Variants in PRSS36 observed in about 807,000 individuals in gnomAD.
PRSS36 encodes polyserase-2.
Under a neutral mutation model 94.3 loss-of-function variants are expected in PRSS36, and 90 were observed. The ratio of observed to expected loss-of-function variants is 0.95; its 90% CI spans 0.80 to 1.14. The LOEUF is 1.14. PRSS36 is among the 50% of genes most tolerant of loss of function. The probability of loss-of-function intolerance (pLI) is 0.00; values close to 1 mark genes in which losing one functional copy is unlikely to be tolerated. For missense variants in PRSS36, 1,158 were observed against 1,135.0 expected, an observed-to-expected ratio of 1.02 and a Z score of -0.29; for synonymous variants, 500 against 489.6, an observed-to-expected ratio of 1.02 and a Z score of -0.28.
At chr16:31,143,145 C>G in intron 8 of PRSS36, 152 bp from the exon 9 acceptor site, 1 of 1,320,864 alleles carries the variant, frequency 7.6e-7, no homozygotes, top group Non-Finnish European at 1.0e-6. Flanking sequence ...ACCCCCGCCT[C>G]CGGGATCGAA....
At position 31,142,629 on chromosome 16, in the gene PRSS36, G is replaced by A; in HGVS notation, c.1373C>T (p.Pro458Leu). Reference protein sequence around the residue: ...RWGRGEPALGPGALLEAELLG... With the variant: ...RWGRGEPALGLGALLEAELLG... ...CAGCTCCGCCTCCAGCAGCGCGCCTGGGCCAAGCGCGGGTTCTGGAAGGGA... is the reference window on the plus strand; with the variant it reads ...CAGCTCCGCCTCCAGCAGCGCGCCTAGGCCAAGCGCGGGTTCTGGAAGGGA... Residue 458 changes from proline to leucine, a missense_variant, in exon 10 of 15, where the codon CCA (proline) becomes CTA (leucine). Physicochemically the swap from Pro to Leu is moderately conservative, Grantham distance 98. Coordinates refer to ENST00000268281, the MANE Select transcript of PRSS36 (RefSeq NM_173502.5). 1 of 1,487,820 alleles carries A rather than the reference G, an allele frequency of 6.7e-7. No homozygotes were observed. 92.2% of individuals were successfully genotyped at this position (1,487,820 alleles called of 1,614,324 possible).
intron 4 of PRSS36, 128 bp downstream of exon 4, chr16:31,148,945 C>A: frequency 8.6e-7 from 1 of 1,163,846 alleles, no homozygotes; most frequent in Non-Finnish European, 1.2e-6. Flanking sequence ...CGAATAGCAC[C>A]TCGCTTTGGG....
rs1439578918 is a variant in PRSS36 at position 31,141,737 on chromosome 16, T to C, written c.1745A>G (p.His582Arg). 6.2e-7 allele frequency: 1 copy of C among 1,613,414 alleles called. No individual in the cohort carries two copies. The highest frequency in any genetic ancestry group is 8.5e-7 in the Non-Finnish European group (1 of 1,179,506). The change falls in exon 11 of 15, where the codon CAC becomes CGC. Residue 582 changes from histidine (H) to arginine (R), a missense_variant. Transcript: ENST00000268281. The stretch of plus-strand genomic sequence containing the variant: ...GTCCTGCTCACCACCATGCTCTGTG[T>C]GTGGGGGACAAGTCTGTGTCTCAGT... Reference protein sequence around the residue: ...EETETQTCPPHTEHGACGLRL... With the variant: ...EETETQTCPPRTEHGACGLRL...
chr16:31,140,818 A>G, intron 12 of PRSS36, 61 bp from the exon 13 acceptor site: 5 of 1,572,014 alleles, frequency 3.2e-6, no homozygotes, highest in Non-Finnish European at 4.3e-6. Flanking sequence ...AGTCCTTCCC[A>G]GCCCAGGGGA....
At chr16:31,142,711 C>T (rs1362741375) in intron 9 of PRSS36, 26 bp downstream of exon 9, 1 of 1,341,624 alleles carries the variant, frequency 7.5e-7, no homozygotes, top group African/African-American at 1.5e-5. Context: ...CGGTGCCGCC[C>T]GGCCCAGCGC....
intron 14 of PRSS36, 96 bp downstream of exon 14, chr16:31,140,198 A>AAG: frequency 5.7e-6 from 8 of 1,403,888 alleles, no homozygotes; most frequent in Admixed American, 2.4e-5. Flanking sequence ...TCAAAAAAAA[A>AAG]AAAAAAAAAA....
intron 12 of PRSS36, 81 bp downstream of exon 12, chr16:31,141,388 C>T: frequency 1.4e-6 from 2 of 1,478,596 alleles, no homozygotes; most frequent in South Asian, 2.7e-5. Context: ...AACAAACAAA[C>T]AAACAAATAA....
intron 8 of PRSS36, 63 bp downstream of exon 8, chr16:31,143,279 T>G: frequency 6.5e-7 from 1 of 1,528,434 alleles, no homozygotes; most frequent in Non-Finnish European, 8.8e-7. Context: ...TGGGGCCGAA[T>G]GGATGGTATC....
intron 6 of PRSS36, 137 bp downstream of exon 6, chr16:31,145,651 CA>C (rs2057788401): frequency 1.1e-6 from 1 of 869,776 alleles, no homozygotes; most frequent in Non-Finnish European, 1.7e-6. Flanking sequence ...AATACACAAA[CA>C]AAAAACTTCA....
Position 31,149,776 on chromosome 16 carries a change from C to T in PRSS36, c.38-45G>A, listed in dbSNP as rs186429443. 26 of 1,613,502 alleles carry T rather than the reference C, an allele frequency of 1.6e-5. No individual in the cohort carries two copies. In the Admixed American group the frequency reaches 4.3e-4, roughly 27 times the overall value. On this transcript the variant is annotated intron_variant, in intron 1 of 14. Coordinates refer to ENST00000268281, the MANE Select transcript of PRSS36 (RefSeq NM_173502.5). The stretch of plus-strand genomic sequence containing the variant: ...CAGGAAGAGGCTGGCGACTCGCACT[C>T]AGTATGTGCCCTCCCTGACTCCCTC...
rs76956428 is a variant in PRSS36, at chr16:31,149,342, T to A, written c.110-107A>T. ...TCCTCCACCCACTTCAGTTTGCCCCTCTGAACAAAGAACATAGAGGACCCA... is the reference window on the plus strand; with the variant it reads ...TCCTCCACCCACTTCAGTTTGCCCCACTGAACAAAGAACATAGAGGACCCA... On this transcript the variant is annotated intron_variant, in intron 3 of 14. Coordinates refer to ENST00000268281, the MANE Select transcript of PRSS36 (RefSeq NM_173502.5). The A allele has an allele frequency of 1.2e-4, 179 of 1,530,630 alleles. No individual in the cohort carries two copies. In the African/African-American group the frequency reaches 2.3e-3, roughly 20 times the overall value. 94.8% of individuals were successfully genotyped at this position (1,530,630 alleles called of 1,614,324 possible). A position where few individuals can be genotyped will look rare whatever the true frequency, so the allele number is the denominator to read the frequency against.
At position 31,140,582 on chromosome 16, in the gene PRSS36, G is replaced by A; in HGVS notation, c.2077C>T (p.Pro693Ser). The A allele has an allele frequency of 2.5e-6, 4 of 1,604,226 alleles. No homozygotes were observed. Among genetic ancestry groups the A allele is most frequent in the Non-Finnish European group, 3.4e-6 (4 of 1,175,086 alleles). Residue 693 changes from proline (P) to serine (S), a missense_variant, in exon 13 of 15, where the codon CCA becomes TCA. Transcript: ENST00000268281. ...LELSSRVEPS[P>S]SALPICLHPA... ...TGGAGACAGATGGGCAGGGCTGATGGGGAGGGCTCCACCCGGGAGCTCAGC... is the reference window on the plus strand; with the variant it reads ...TGGAGACAGATGGGCAGGGCTGATGAGGAGGGCTCCACCCGGGAGCTCAGC...
rs771712006 is a variant in PRSS36 at position 31,150,051 on chromosome 16, G to A, written c.-16C>T. On this transcript the variant is annotated 5_prime_UTR_variant, in exon 1 of 15. Coordinates refer to ENST00000268281, the MANE Select transcript of PRSS36 (RefSeq NM_173502.5). Reference sequence around the variant, plus strand: ...GCCGGGCCATGGCGCTAGAGTCAGCGGAGGCAGAGCCAAGTGAAGGTCTGC... The same window carrying A: ...GCCGGGCCATGGCGCTAGAGTCAGCAGAGGCAGAGCCAAGTGAAGGTCTGC... The A allele has an allele frequency of 1.5e-5, 25 of 1,613,176 alleles. No homozygotes were observed. Among genetic ancestry groups the A allele is most frequent in the East Asian group, 2.2e-5 (1 of 44,888 alleles).
At position 31,148,601 on chromosome 16, in the gene PRSS36, C is replaced by T. The variant is rs1333850673; in HGVS notation, c.347G>A (p.Gly116Asp). The change falls in exon 5 of 15, where the codon GGC becomes GAC. Residue 116 changes from glycine to aspartate, a missense_variant. Coordinates refer to ENST00000268281, the MANE Select transcript of PRSS36 (RefSeq NM_173502.5). ...GVHSQDGPLD[G>D]AHTRAVAAIV... ...GGCGGCCACTGCGCGGGTGTGCGCG[C>T]CGTCCAGGGGCCCGTCCTGGGAGTG... The T allele has an allele frequency of 6.2e-7, 1 of 1,611,436 alleles. No homozygotes were observed. The highest frequency in any genetic ancestry group is 8.5e-7 in the Non-Finnish European group (1 of 1,179,184).
rs1297957640 is a variant in PRSS36, at chr16:31,140,790, TC to T, written c.1902-34del. 18 of 1,607,996 alleles carry T rather than the reference TC, an allele frequency of 1.1e-5. 1 individual carries two copies. The Middle Eastern group carries it at 1.2e-3, about 104-fold the overall frequency. ...AACAAGGTCCAATGTCACCTTCTGC[TC>T]CTCCCATTGCTGGCAAAGTCCTTCC... On this transcript the variant is annotated intron_variant, in intron 12 of 14. Coordinates refer to ENST00000268281, the MANE Select transcript of PRSS36 (RefSeq NM_173502.5).
intron 1 of PRSS36, 52 bp downstream of exon 1, chr16:31,149,947 C>T: frequency 1.9e-6 from 3 of 1,603,080 alleles, no homozygotes; most frequent in Non-Finnish European, 2.6e-6. Flanking sequence ...CTCCAGCCCC[C>T]CAGATGCCAG....
chr16:31,148,466 G>C lies in PRSS36; in HGVS notation c.482C>G (p.Pro161Arg), dbSNP rs749710752. ...GTGCACGAAGCGGTGTGAGGCGCGG[G>C]GCAGGCAGACAGGCCACACGGCGGG... ...LGPAVWPVCL[P>R]RASHRFVHGT... The change falls in exon 5 of 15, where the codon CCC (proline) becomes CGC (arginine). Residue 161 changes from proline (P) to arginine (R), a missense_variant. Transcript: ENST00000268281. 6.3e-7 allele frequency: 1 copy of C among 1,575,504 alleles called. No individual in the cohort carries two copies. Among genetic ancestry groups the C allele is most frequent in the Non-Finnish European group, 8.6e-7 (1 of 1,167,340 alleles).
intron 5 of PRSS36, among the ~76,000 whole-genome samples, chr16:31,147,004 G>A (rs80210314): frequency 1.3e-5 from 2 of 152,040 alleles, no homozygotes; most frequent in African/African-American, 4.8e-5. Context: ...AAGAATTGAT[G>A]AAAAAAAGAA....
At position 31,146,251 on chromosome 16, in the gene PRSS36, G is replaced by A. The variant is rs76528365; in HGVS notation, c.554-296C>T. 9.7e-3 allele frequency among the ~76,000 whole-genome samples: 1,478 copies of A among 152,312 alleles called. 19 individuals are homozygous for A. Among genetic ancestry groups the A allele is most frequent in the African/African-American group, 0.03 (1,247 of 41,570 alleles). On this transcript the variant is annotated intron_variant, in intron 5 of 14. Coordinates refer to ENST00000268281, the MANE Select transcript of PRSS36 (RefSeq NM_173502.5). ...AAACCATTAAGTTCTGAGCTCTCAC[G>A]TGGAGTTGTGTTGGTCCAGAGACAT... is the stretch of plus-strand genomic sequence containing the variant.
Sources: allele counts gnomAD v4.1 joint callset (sites outside exome capture counted in the v4.1 genomes callset), GRCh38; gene constraint gnomAD v4.1.1; transcripts MANE v1.5; gene names NCBI Gene and HGNC (gene_info 2026-07-23, HGNC 2026-07-21).